RXFP2: variants seen among roughly 807,000 people sequenced by gnomAD.
RXFP2 encodes relaxin receptor 2.
In RXFP2, 68 loss-of-function variants were observed where a neutral mutation model predicts 88.6. The ratio of observed to expected loss-of-function variants is 0.77; its 90% CI spans 0.63 to 0.94. The LOEUF (loss-of-function observed/expected upper bound fraction) is 0.94. Ranked by LOEUF, RXFP2 falls within the 40% of genes least tolerant of loss-of-function variation. RXFP2 has a pLI of 0.00. For synonymous variants in RXFP2, 329 were observed against 306.8 expected (o/e 1.07, Z -0.76); for missense variants, 791 against 893.9 (o/e 0.88, Z 1.47).
intron 11 of RXFP2, among the ~76,000 whole-genome samples, chr13:31,783,706 C>G (rs1480071027): frequency 6.6e-6 from 1 of 152,204 alleles, no homozygotes; most frequent in Non-Finnish European, 1.5e-5. Flanking sequence ...GACTTCCTCC[C>G]AGGGCATTCC....
In RXFP2 at chr13:31,792,907, A is replaced by G. The variant is rs760024980; in HGVS notation, c.1605A>G (p.Lys535=). ...CCTTCAGTAACATTCGACCTGGAAA[A>G]CGGCAGACCTCAGTCATCCTCATTT... ...VFPFSNIRPG[K]RQTSVILICI... Residue 535 remains lysine (K), a synonymous_variant, in exon 16 of 18, where the codon AAA becomes AAG. Coordinates refer to ENST00000298386, the MANE Select transcript of RXFP2 (RefSeq NM_130806.5). 2.5e-6 allele frequency: 4 copies of G among 1,614,066 alleles called. No homozygotes were observed. The African/African-American group carries it at 4.0e-5, about 16-fold the overall frequency.
At chr13:31,798,978 T>C (rs10492607) in intron 17 of RXFP2, among the ~76,000 whole-genome samples, 14,009 of 152,258 alleles carry the variant, frequency 0.092, 672 homozygotes, top group Middle Eastern at 0.14. Flanking sequence ...ACCAGGTTTA[T>C]TGGCCTCATG....
At chr13:31,802,061 A>G (rs964373598) in intron 17 of RXFP2, 85 bp from the exon 18 acceptor site, 4 of 1,375,464 alleles carry the variant, frequency 2.9e-6, no homozygotes, top group Non-Finnish European at 4.1e-6. Flanking sequence ...CCCTCTCATA[A>G]ATAGCATTGA....
chr13:31,778,764 G>A (rs1873116727), intron 9 of RXFP2, among the ~76,000 whole-genome samples, 181 bp downstream of exon 9: 1 of 152,026 alleles, frequency 6.6e-6, no homozygotes, highest in Non-Finnish European at 1.5e-5. Flanking sequence ...GGTAAAGTTT[G>A]ACCTTCCCTT....
At chr13:31,792,348 C>T (rs1001595045) in intron 15 of RXFP2, among the ~76,000 whole-genome samples, 12 of 152,114 alleles carry the variant, frequency 7.9e-5, no homozygotes, top group Admixed American at 2.0e-4. Context: ...GATACCTATG[C>T]TCATTAGGCC....
At chr13:31,753,918 A>C (rs951492768) in intron 1 of RXFP2, among the ~76,000 whole-genome samples, 2 of 151,024 alleles carry the variant, frequency 1.3e-5, no homozygotes, top group African/African-American at 4.9e-5. Flanking sequence ...CACAGAGAGA[A>C]AAGGGTGGGG....
At chr13:31,766,307 A>C (rs1012619793) in intron 5 of RXFP2, among the ~76,000 whole-genome samples, 1 of 152,138 alleles carries the variant, frequency 6.6e-6, no homozygotes, top group Non-Finnish European at 1.5e-5. Context: ...TATTTTCCTC[A>C]AGATATTGGG....
chr13:31,778,083 AC>A (rs1167920108), intron 8 of RXFP2, among the ~76,000 whole-genome samples: 1 of 152,124 alleles, frequency 6.6e-6, no homozygotes, highest in Admixed American at 6.5e-5. Flanking sequence ...CCCTACTGTC[AC>A]TTCTCCAATT....
At chr13:31,746,845 A>G (rs1204969525) in intron 1 of RXFP2, among the ~76,000 whole-genome samples, 1 of 149,632 alleles carries the variant, frequency 6.7e-6, no homozygotes, top group East Asian at 2.0e-4. Flanking sequence ...AATGTAGAAG[A>G]CACTGATTCT....
At position 31,797,320 on chromosome 13, in the gene RXFP2, G is replaced by T; in HGVS notation, c.1906G>T (p.Val636Phe). Residue 636 changes from valine (V) to phenylalanine (F), a missense_variant, in exon 17 of 18, where the codon GTT becomes TTT. Coordinates refer to ENST00000298386, the MANE Select transcript of RXFP2 (RefSeq NM_130806.5). ...VRNCFGREVAVANRFFFIVFS... is the reference protein window; with the variant it reads ...VRNCFGREVAFANRFFFIVFS... ...GAATTGTTTTGGAAGAGAGGTGGCT[G>T]TTGCAAATCGTTTCTTTTTTATAGT... The T allele has an allele frequency of 1.2e-6, 2 of 1,614,080 alleles. No individual in the cohort carries two copies. Among genetic ancestry groups the T allele is most frequent in the Non-Finnish European group, 1.7e-6 (2 of 1,179,962 alleles).
In RXFP2 at chr13:31,802,273, G is replaced by A. The variant is rs757586202; in HGVS notation, c.2133G>A (p.Arg711=). 7.4e-6 allele frequency: 12 copies of A among 1,613,440 alleles called. No homozygotes were observed. Among genetic ancestry groups the A allele is most frequent in the Non-Finnish European group, 6.8e-6 (8 of 1,179,904 alleles). The change falls in exon 18 of 18, where the codon AGG becomes AGA. Residue 711 remains arginine (R), a synonymous_variant. Coordinates refer to ENST00000298386, the MANE Select transcript of RXFP2 (RefSeq NM_130806.5). ...KLKQLLHKHQ[R]KSIFKIKKKS... ...AACAGCTGCTGCACAAACATCAGAG[G>A]AAATCAATTTTCAAAATTAAAAAAA...
chr13:31,749,770 A>G (rs1871582425), intron 1 of RXFP2, among the ~76,000 whole-genome samples: 1 of 152,208 alleles, frequency 6.6e-6, no homozygotes, highest in African/African-American at 2.4e-5. Context: ...AATGCTAATA[A>G]TTTATTATTT....
intron 5 of RXFP2, among the ~76,000 whole-genome samples, chr13:31,767,201 G>C (rs541916240): frequency 6.6e-6 from 1 of 152,258 alleles, no homozygotes; most frequent in Admixed American, 6.5e-5. Flanking sequence ...TACAAGAAAA[G>C]AAGTAGCTAA....
At chr13:31,759,443 A>AG (rs1872190816) in intron 2 of RXFP2, among the ~76,000 whole-genome samples, 1 of 151,152 alleles carries the variant, frequency 6.6e-6, no homozygotes, top group Admixed American at 6.6e-5. Flanking sequence ...GAAAGAAAGA[A>AG]AGATACTGTG....
rs773990372 is a variant in RXFP2, at chr13:31,792,781, G to C, written c.1479G>C (p.Val493=). 1 of 1,614,018 alleles carries C rather than the reference G, an allele frequency of 6.2e-7. No homozygotes were observed. The highest frequency in any genetic ancestry group is 2.2e-5 in the East Asian group (1 of 44,890). Residue 493 remains valine, a synonymous_variant, in exon 16 of 18, where the codon GTG becomes GTC. Transcript: ENST00000298386. Reference sequence around the variant, plus strand: ...ATGCCTTGCTGTGGATGGAGAGCGTGCAGTGCCGCCTCATGGGGTTCCTGG... The same window carrying C: ...ATGCCTTGCTGTGGATGGAGAGCGTCCAGTGCCGCCTCATGGGGTTCCTGG... ...QKYALLWMES[V]QCRLMGFLAM... is the part of the protein sequence containing the mutation.
chr13:31,759,295 A>G (rs918736558), intron 2 of RXFP2, among the ~76,000 whole-genome samples: 4 of 151,242 alleles, frequency 2.6e-5, no homozygotes, highest in Non-Finnish European at 5.9e-5. Context: ...CAGGATAATG[A>G]GATAGAAAGT....
chr13:31,754,023 A>G (rs1310779940), intron 1 of RXFP2, among the ~76,000 whole-genome samples: 1 of 152,222 alleles, frequency 6.6e-6, no homozygotes, highest in Non-Finnish European at 1.5e-5. Flanking sequence ...ATGGGGAATG[A>G]CAAGAAATGC....
chr13:31,780,812 C>T (rs1233208794), intron 9 of RXFP2, among the ~76,000 whole-genome samples: 1 of 152,238 alleles, frequency 6.6e-6, no homozygotes, highest in East Asian at 1.9e-4. Context: ...CAGTGCTTCT[C>T]AGACATCAGC....
chr13:31,799,559 G>A (rs1278404769), intron 17 of RXFP2, among the ~76,000 whole-genome samples: 4 of 152,098 alleles, frequency 2.6e-5, no homozygotes, highest in Admixed American at 1.3e-4. Flanking sequence ...GTAGGGGGAC[G>A]CAGCCTAGTG....
Sources: allele counts gnomAD v4.1 joint callset (sites outside exome capture counted in the v4.1 genomes callset), GRCh38; gene constraint gnomAD v4.1.1; transcripts MANE v1.5; gene names NCBI Gene and HGNC (gene_info 2026-07-23, HGNC 2026-07-21).